SHISA7: variants seen among roughly 807,000 people sequenced by gnomAD.
SHISA7 encodes shisa family member 7.
SHISA7 carries 6 observed loss-of-function variants against 23.9 expected under a neutral mutation model. That is an observed-to-expected ratio of 0.25 (90% CI 0.14 to 0.50). The LOEUF (loss-of-function observed/expected upper bound fraction) is 0.50, where lower values mean the gene tolerates loss of function less well. Ranked by LOEUF, SHISA7 falls within the 20% of genes least tolerant of loss-of-function variation. The probability of loss-of-function intolerance (pLI) is 0.98; values close to 1 mark genes in which losing one functional copy is unlikely to be tolerated. For synonymous variants in SHISA7, 386 were observed against 398.3 expected (o/e 0.97, Z 0.37); for missense variants, 671 against 801.1 (o/e 0.84, Z 1.96).
chr19:55,433,196 TG>T lies in SHISA7; in HGVS notation c.1576del (p.Gln526SerfsTer11). The T allele has an allele frequency of 6.5e-7, 1 of 1,529,204 alleles. No homozygotes were observed. The allele number at this position is 1,529,204 out of a possible 1,614,324, so 94.7% of individuals were successfully genotyped here. A position where few individuals can be genotyped will look rare whatever the true frequency, so the allele number is the denominator to read the frequency against. ...GTTCTTGCTGGCCGTGCGCAGGTGC[TG>T]GGGCAGGTGGTGGCCCGGGATGAAC... Reference protein sequence around the residue: ...LQFIPGHHLPQHLRTASKNEV... With the variant: ...LQFIPGHHLPXHLRTASKNEV... On this transcript the variant is annotated frameshift_variant, in exon 4 of 4. Coordinates refer to ENST00000376325, the MANE Select transcript of SHISA7 (RefSeq NM_001145176.2). LOFTEE classifies it high-confidence loss of function. The surrounding 1 kb of genome is among the most constrained non-coding windows in gnomAD (Gnocchi z 8.4).
At chr19:55,436,100 A>G (rs1985452580) in intron 3 of SHISA7, among the ~76,000 whole-genome samples, 1 of 151,980 alleles carries the variant, frequency 6.6e-6, no homozygotes, top group Non-Finnish European at 1.5e-5. Flanking sequence ...CAGCCTGACC[A>G]ACATGGTGAA....
In SHISA7 at chr19:55,433,846, G is replaced by A. The variant is rs1985280062; in HGVS notation, c.977-50C>T. On this transcript the variant is annotated intron_variant, in intron 3 of 3. Coordinates refer to ENST00000376325, the MANE Select transcript of SHISA7 (RefSeq NM_001145176.2). The surrounding 1 kb of genome is among the most constrained non-coding windows in gnomAD (Gnocchi z 8.4). ...CAGCCGTGGGTCCCCTGCGCATCTAGAGCCCTCCCCCTCCCACCTCGTCAC... is the reference window on the plus strand; with the variant it reads ...CAGCCGTGGGTCCCCTGCGCATCTAAAGCCCTCCCCCTCCCACCTCGTCAC... The A allele has an allele frequency of 8.9e-6, 12 of 1,355,270 alleles. No homozygotes were observed. The highest frequency in any genetic ancestry group is 1.1e-5 in the Non-Finnish European group (12 of 1,059,966). 84.0% of individuals were successfully genotyped at this position (1,355,270 alleles called of 1,614,324 possible). A position where few individuals can be genotyped will look rare whatever the true frequency, so the allele number is the denominator to read the frequency against.
intron 1 of SHISA7, among the ~76,000 whole-genome samples, chr19:55,441,823 C>T (rs1398404988): frequency 6.6e-6 from 1 of 152,236 alleles, no homozygotes; most frequent in African/African-American, 2.4e-5. Context: ...CGTTAAGCAA[C>T]TCATCCACTG....
chr19:55,433,470 G>T lies in SHISA7; in HGVS notation c.1303C>A (p.Pro435Thr). 1 of 1,400,552 alleles carries T rather than the reference G, an allele frequency of 7.1e-7. No individual in the cohort carries two copies. The highest frequency in any genetic ancestry group is 9.2e-7 in the Non-Finnish European group (1 of 1,083,894). 86.8% of individuals were successfully genotyped at this position (1,400,552 alleles called of 1,614,324 possible). The change falls in exon 4 of 4, where the codon CCC becomes ACC. Residue 435 changes from proline to threonine, a missense_variant. Physicochemically the swap from Pro to Thr is conservative, Grantham distance 38 (BLOSUM62 -1). Around this residue, in one of 5 missense-constraint regions of SHISA7, gnomAD observed 457 missense variants for 488.3 expected, o/e 0.94. Transcript: ENST00000376325. This position sits in a 1 kb window ranked among gnomAD's most constrained non-coding sequence, Gnocchi z 8.4. ...REHLLSPPRS[P>T]ALPPDPTARA... is the part of the protein sequence containing the mutation. ...GCGGTGGGGTCGGGGGGCAGCGCGG[G>T]GCTGCGCGGGGGCGACAGCAGGTGC...
chr19:55,437,260 C>T (rs951391873), intron 3 of SHISA7, among the ~76,000 whole-genome samples: 1 of 152,248 alleles, frequency 6.6e-6, no homozygotes, highest in Admixed American at 6.5e-5. Context: ...CTCTTGAGCC[C>T]CCAAAACAGC....
Position 55,433,533 on chromosome 19 carries a change from G to GCAGGTGCTCCTGCGACAC in SHISA7, c.1222_1239dup (p.Val408_Leu413dup). On this transcript the variant is annotated inframe_insertion, in exon 4 of 4. Transcript: ENST00000376325. This position sits in a 1 kb window ranked among gnomAD's most constrained non-coding sequence, Gnocchi z 8.4. ...CGCAGGGCCTCGGGCGAGGACAGCAGCAGGTGCTCCTGCGACACCAGGCGC... is the reference window on the plus strand; with the variant it reads ...CGCAGGGCCTCGGGCGAGGACAGCAGCAGGTGCTCCTGCGACACCAGGTGCTCCTGCGACACCAGGCGC... 1.3e-6 allele frequency: 2 copies of GCAGGTGCTCCTGCGACAC among 1,490,272 alleles called. No homozygotes were observed. Among genetic ancestry groups the GCAGGTGCTCCTGCGACAC allele is most frequent in the Non-Finnish European group, 1.8e-6 (2 of 1,126,734 alleles). The allele number at this position is 1,490,272 out of a possible 1,614,324, so 92.3% of individuals were successfully genotyped here.
At chr19:55,434,079 C>G (rs1985290910) in intron 3 of SHISA7, among the ~76,000 whole-genome samples, 1 of 152,156 alleles carries the variant, frequency 6.6e-6, no homozygotes, top group Admixed American at 6.5e-5. Context: ...CCCCTCTCAT[C>G]CTGTAGCAAT....
At position 55,429,063 on chromosome 19, in the gene SHISA7, G is replaced by A. The variant is rs1985103531; in HGVS notation, c.*4093C>T. Reference sequence around the variant, plus strand: ...GACGAGGTCCCAGCTCAAGACATGTGGAGGGGAATTGTCAGTACACACCTG... The same window carrying A: ...GACGAGGTCCCAGCTCAAGACATGTAGAGGGGAATTGTCAGTACACACCTG... On this transcript the variant is annotated 3_prime_UTR_variant, in exon 4 of 4. Transcript: ENST00000376325. 1 of 152,326 alleles carries A rather than the reference G, an allele frequency of 6.6e-6. No individual in the cohort carries two copies. Among genetic ancestry groups the A allele is most frequent in the Admixed American group, 6.6e-5 (1 of 15,262 alleles). The allele number at this position is 152,326 out of a possible 1,614,324, so 9.4% of individuals were successfully genotyped here.
Position 55,441,894 on chromosome 19 carries a change from G to C in SHISA7, c.671+299C>G, listed in dbSNP as rs187218283. 1.3e-3 allele frequency among the ~76,000 whole-genome samples: 205 copies of C among 152,366 alleles called. 1 individual carries two copies. Among genetic ancestry groups the C allele is most frequent in the African/African-American group, 4.8e-3 (198 of 41,594 alleles). ...AGTCAGGCTTTTCCACCAGGGCAGA[G>C]ACCTTGTTTTGTTCACTGGTGTATC... On this transcript the variant is annotated intron_variant, in intron 1 of 3. Transcript: ENST00000376325.
rs1368203836 is a variant in SHISA7 at position 55,432,200 on chromosome 19, C to G, written c.*956G>C. On this transcript the variant is annotated 3_prime_UTR_variant, in exon 4 of 4. Transcript: ENST00000376325. This position sits in a 1 kb window ranked among gnomAD's most constrained non-coding sequence, Gnocchi z 4.6. ...TCAGACAACATCTCAGGACAGGGCC[C>G]CTCTCTGCTCTCTGGCATCTTCCCT... 6.5e-6 allele frequency: 1 copy of G among 152,792 alleles called. No homozygotes were observed. The highest frequency in any genetic ancestry group is 6.5e-5 in the Admixed American group (1 of 15,282). 9.5% of individuals were successfully genotyped at this position (152,792 alleles called of 1,614,324 possible).
rs2123358972 is a variant in SHISA7 at position 55,442,360 on chromosome 19, G to A, written c.504C>T (p.Gly168=). 1 of 1,429,126 alleles carries A rather than the reference G, an allele frequency of 7.0e-7. No individual in the cohort carries two copies. Among genetic ancestry groups the A allele is most frequent in the African/African-American group, 1.5e-5 (1 of 66,594 alleles). The allele number at this position is 1,429,126 out of a possible 1,614,324, so 88.5% of individuals were successfully genotyped here. A position where few individuals can be genotyped will look rare whatever the true frequency, so the allele number is the denominator to read the frequency against. ...GPGQAGWLEG[G]RTGGAGGRGG... is the part of the protein sequence containing the mutation. ...CGCGGCCCCCGGCACCCCCAGTCCGGCCCCCTTCCAACCACCCGGCCTGGC... is the reference window on the plus strand; with the variant it reads ...CGCGGCCCCCGGCACCCCCAGTCCGACCCCCTTCCAACCACCCGGCCTGGC... The change falls in exon 1 of 4, where the codon GGC becomes GGT. Residue 168 remains glycine, a synonymous_variant. Coordinates refer to ENST00000376325, the MANE Select transcript of SHISA7 (RefSeq NM_001145176.2).
intron 3 of SHISA7, among the ~76,000 whole-genome samples, chr19:55,435,248 G>C (rs1279793817): frequency 1.5e-5 from 2 of 130,448 alleles, no homozygotes; most frequent in Non-Finnish European, 3.2e-5. Context: ...GTGTGTGCGT[G>C]TGTGTGGTGT....
chr19:55,435,412 G>GGGTGTGTGT (rs1568451342), intron 3 of SHISA7, among the ~76,000 whole-genome samples: 145 of 116,602 alleles, frequency 1.2e-3, no homozygotes, highest in African/African-American at 5.1e-3. Context: ...TGTGTGTTGT[G>GGGTGTGTGT]TGTGTGTGTG....
At position 55,434,841 on chromosome 19, in the gene SHISA7, GT is replaced by G. The variant is rs879758870; in HGVS notation, c.977-1046del. On this transcript the variant is annotated intron_variant, in intron 3 of 3. Transcript: ENST00000376325. ...TGTGTATGTGTGTGTGGTGTGTGGTGTGTGTGTGCGTGTGTGTATATGTGGT... is the reference window on the plus strand; with the variant it reads ...TGTGTATGTGTGTGTGGTGTGTGGTGGTGTGTGCGTGTGTGTATATGTGGT... Among the ~76,000 whole-genome samples the G allele has an allele frequency of 1.0e-3, 105 of 103,814 alleles. 5 individuals carry two copies. The highest frequency in any genetic ancestry group is 1.8e-3 in the Non-Finnish European group (92 of 52,480). The allele number at this position is 103,814 out of a possible 152,430, so 68.1% of individuals were successfully genotyped here.
intron 1 of SHISA7, 78 bp from the exon 2 acceptor site, chr19:55,440,843 C>A (rs1985584133): frequency 8.3e-7 from 1 of 1,200,982 alleles, no homozygotes; most frequent in Non-Finnish European, 1.0e-6. Context: ...TTTCCGCTCC[C>A]TGCTCTCGCC....
chr19:55,435,589 C>CAAAAAAAAAA (rs1160895563), intron 3 of SHISA7, among the ~76,000 whole-genome samples: 1 of 66,442 alleles, frequency 1.5e-5, no homozygotes, highest in Non-Finnish European at 2.8e-5. Context: ...TCCATCTCTA[C>CAAAAAAAAAA]AAAAAAAAAA....
chr19:55,442,798 G>C lies in SHISA7; in HGVS notation c.66C>G (p.Ser22=), dbSNP rs1289895106. Residue 22 remains serine (S), a synonymous_variant, in exon 1 of 4, where the codon TCC becomes TCG. Coordinates refer to ENST00000376325, the MANE Select transcript of SHISA7 (RefSeq NM_001145176.2). Reference sequence around the variant, plus strand: ...CCGCGGGCTCGGCGCTCGTGGCGTTGGACGGGCGCGCCCTGGCCTGGCCGG... The same window carrying C: ...CCGCGGGCTCGGCGCTCGTGGCGTTCGACGGGCGCGCCCTGGCCTGGCCGG... The part of the protein sequence containing the change: ...SSAGQARARP[S]NATSAEPAGP... The C allele has an allele frequency of 2.3e-6, 3 of 1,306,198 alleles. No homozygotes were observed. 80.9% of individuals were successfully genotyped at this position (1,306,198 alleles called of 1,614,324 possible).
chr19:55,433,504 C>T lies in SHISA7; in HGVS notation c.1269G>A (p.Gln423=). 6.8e-7 allele frequency: 1 copy of T among 1,460,454 alleles called. No homozygotes were observed. Among genetic ancestry groups the T allele is most frequent in the Admixed American group, 2.6e-5 (1 of 38,746 alleles). 90.5% of individuals were successfully genotyped at this position (1,460,454 alleles called of 1,614,324 possible). ...GGGGCGACAGCAGGTGCTCGCGACTCTGGCGCAGGGCCTCGGGCGAGGACA... is the reference window on the plus strand; with the variant it reads ...GGGGCGACAGCAGGTGCTCGCGACTTTGGCGCAGGGCCTCGGGCGAGGACA... The part of the protein sequence containing the change: ...LLLSSPEALR[Q]SREHLLSPPR... Residue 423 remains glutamine, a synonymous_variant, in exon 4 of 4, where the codon CAG becomes CAA. Transcript: ENST00000376325. The surrounding 1 kb of genome is among the most constrained non-coding windows in gnomAD (Gnocchi z 8.4).
rs537894800 is a variant in SHISA7, at chr19:55,434,917, GGT to G, written c.977-1123_977-1122del. Among the ~76,000 whole-genome samples the G allele has an allele frequency of 1.9e-3, 240 of 125,014 alleles. 1 individual carries two copies. The highest frequency in any genetic ancestry group is 6.2e-3 in the African/African-American group (200 of 32,118). 82.0% of individuals were successfully genotyped at this position (125,014 alleles called of 152,430 possible). ...GTGTGTGTGGTGTGTGTGTATATGT[GGT>G]GTGTGTGTATATGTGGTGTGTGTAT... On this transcript the variant is annotated intron_variant, in intron 3 of 3. Transcript: ENST00000376325.
Sources: allele counts gnomAD v4.1 joint callset (sites outside exome capture counted in the v4.1 genomes callset), GRCh38; gene constraint gnomAD v4.1.1; regional missense constraint gnomAD v4.1.1; non-coding constraint Gnocchi (gnomAD v3.1); transcripts MANE v1.5; gene names NCBI Gene and HGNC (gene_info 2026-07-23, HGNC 2026-07-21).